Variants in WWOX observed in about 807,000 individuals in gnomAD.
WWOX encodes the protein WW domain-containing oxidoreductase.
Under a neutral mutation model 46.2 loss-of-function variants are expected in WWOX, and 69 were observed. The observed-to-expected ratio is 1.49, with a 90% CI of 1.23 to 1.82. The LOEUF (loss-of-function observed/expected upper bound fraction) is 1.82. WWOX is among the 40% of genes most tolerant of loss of function. The probability of loss-of-function intolerance (pLI) is 0.00; values close to 1 mark genes in which losing one functional copy is unlikely to be tolerated. For missense variants in WWOX, 919 were observed against 542.6 expected, an observed-to-expected ratio of 1.69 and a Z score of -6.89; for synonymous variants, 359 against 202.6, an observed-to-expected ratio of 1.77 and a Z score of -6.56.
At chr16:78,864,182 A>G (rs761704128) in intron 8 of WWOX, among the ~76,000 whole-genome samples, 20 of 152,220 alleles carry the variant, frequency 1.3e-4, no homozygotes, top group Middle Eastern at 3.4e-3. Context: ...CAGTAAATCT[A>G]TGGTTAATTC....
chr16:79,076,054 T>G lies in WWOX; in HGVS notation c.1057-135554T>G, dbSNP rs1304848554. ...ATGTAGAACCATTTTCTTGAAAATG[T>G]TTCTTAGAAATTTGTTACTTAGAAG... is the stretch of plus-strand genomic sequence containing the variant. On this transcript the variant is annotated intron_variant, in intron 8 of 8. Coordinates refer to ENST00000566780, the MANE Select transcript of WWOX (RefSeq NM_016373.4). Among the ~76,000 whole-genome samples the G allele has an allele frequency of 2.0e-5, 3 of 152,216 alleles. No homozygotes were observed. In the East Asian group the frequency reaches 5.8e-4, roughly 29 times the overall value.
In WWOX at chr16:78,555,112, A is replaced by G. The variant is rs181972370; in HGVS notation, c.1056+122360A>G. ...GACGGATTTTTTCCTCTTTGTCTCT[A>G]TCTCTCTTTCTCTCTGTCTTTTTCT... is the stretch of plus-strand genomic sequence containing the variant. On this transcript the variant is annotated intron_variant, in intron 8 of 8. Coordinates refer to ENST00000566780, the MANE Select transcript of WWOX (RefSeq NM_016373.4). Among the ~76,000 whole-genome samples the G allele has an allele frequency of 2.4e-3, 343 of 143,756 alleles. 2 individuals carry two copies. Among genetic ancestry groups the G allele is most frequent in the Middle Eastern group, 8.1e-3 (2 of 248 alleles). 94.3% of individuals were successfully genotyped at this position (143,756 alleles called of 152,430 possible).
At chr16:78,688,435 A>G (rs1046587120) in intron 8 of WWOX, among the ~76,000 whole-genome samples, 1 of 151,492 alleles carries the variant, frequency 6.6e-6, no homozygotes, top group Non-Finnish European at 1.5e-5. Flanking sequence ...AGTCTCATTC[A>G]CTTCTTTCTA....
chr16:78,647,913 A>G (rs916404587), intron 8 of WWOX, among the ~76,000 whole-genome samples: 1 of 152,208 alleles, frequency 6.6e-6, no homozygotes, highest in African/African-American at 2.4e-5. Context: ...CTATTTTTCT[A>G]AAAGGCAACA....
At chr16:78,661,361 A>G (rs970137542) in intron 8 of WWOX, among the ~76,000 whole-genome samples, 1 of 152,128 alleles carries the variant, frequency 6.6e-6, no homozygotes, top group African/African-American at 2.4e-5. Context: ...TTCTGAAGCG[A>G]CCACTTCATA....
chr16:78,667,891 C>G (rs1176003823), intron 8 of WWOX, among the ~76,000 whole-genome samples: 3 of 152,030 alleles, frequency 2.0e-5, no homozygotes, highest in African/African-American at 7.2e-5. Flanking sequence ...TGTGTGTGTT[C>G]CTTATCTGTT....
At chr16:78,294,193 T>C (rs1297790221) in intron 5 of WWOX, among the ~76,000 whole-genome samples, 4 of 152,056 alleles carry the variant, frequency 2.6e-5, no homozygotes, top group Non-Finnish European at 5.9e-5. Context: ...TCTCCCTGCC[T>C]CAAGAGCTGA....
chr16:78,411,485 C>T (rs1344593980), intron 6 of WWOX, among the ~76,000 whole-genome samples: 2 of 152,058 alleles, frequency 1.3e-5, no homozygotes, highest in South Asian at 2.1e-4. Flanking sequence ...AAGTGAGGGG[C>T]GTACTCATCC....
chr16:78,739,515 G>A (rs1171630288), intron 8 of WWOX, among the ~76,000 whole-genome samples: 1 of 152,110 alleles, frequency 6.6e-6, no homozygotes, highest in Non-Finnish European at 1.5e-5. Flanking sequence ...TGGGCTGAGT[G>A]TAAAGAAATT....
At chr16:78,867,684 G>T (rs930984875) in intron 8 of WWOX, among the ~76,000 whole-genome samples, 7 of 152,056 alleles carry the variant, frequency 4.6e-5, no homozygotes, top group African/African-American at 1.4e-4. Flanking sequence ...GGGATTTCAG[G>T]TGCCTGCCAC....
intron 5 of WWOX, among the ~76,000 whole-genome samples, chr16:78,182,916 A>T (rs1567616800): frequency 6.7e-6 from 1 of 148,942 alleles, no homozygotes; most frequent in African/African-American, 2.5e-5. Context: ...GCGCCACTGC[A>T]CTTCAGCCTG....
intron 8 of WWOX, among the ~76,000 whole-genome samples, chr16:78,922,128 G>A (rs1329233015): frequency 6.6e-6 from 1 of 152,138 alleles, no homozygotes; most frequent in African/African-American, 2.4e-5. Flanking sequence ...GGTCTTCGTT[G>A]CGTAGGTGTG....
intron 8 of WWOX, among the ~76,000 whole-genome samples, chr16:78,807,550 A>T (rs1203620637): frequency 1.3e-5 from 2 of 152,240 alleles, no homozygotes; most frequent in Non-Finnish European, 1.5e-5. Flanking sequence ...GACAGTGGCT[A>T]AAACCTGATT....
chr16:78,546,101 T>G (rs1198559790), intron 8 of WWOX, among the ~76,000 whole-genome samples: 1 of 152,288 alleles, frequency 6.6e-6, no homozygotes, highest in East Asian at 1.9e-4. Flanking sequence ...CCTCTGTCAG[T>G]TTTTTATGGA....
intron 8 of WWOX, among the ~76,000 whole-genome samples, chr16:79,124,262 G>A (rs907982145): frequency 2.6e-5 from 4 of 152,028 alleles, no homozygotes; most frequent in South Asian, 2.1e-4. Context: ...GGTGCAGAGC[G>A]CTCGGCAAAT....
chr16:78,285,744 T>A (rs1466450130), intron 5 of WWOX, among the ~76,000 whole-genome samples: 1 of 152,176 alleles, frequency 6.6e-6, no homozygotes, highest in African/African-American at 2.4e-5. Context: ...TGCGCCTAAA[T>A]AGCTGAGGAC....
chr16:79,099,783 G>C (rs1043457704), intron 8 of WWOX, among the ~76,000 whole-genome samples: 12 of 152,162 alleles, frequency 7.9e-5, no homozygotes, highest in African/African-American at 2.9e-4. Context: ...TACAGTATGA[G>C]AGACAAGGGA....
intron 8 of WWOX, among the ~76,000 whole-genome samples, chr16:78,540,336 G>C (rs551201190): frequency 6.1e-4 from 92 of 152,008 alleles, no homozygotes; most frequent in African/African-American, 2.0e-3. Context: ...TCTTGATTCT[G>C]AGCTTTGGTT....
intron 8 of WWOX, among the ~76,000 whole-genome samples, chr16:79,127,151 A>T (rs1406327146): frequency 6.6e-6 from 1 of 152,150 alleles, no homozygotes; most frequent in Non-Finnish European, 1.5e-5. Context: ...ATATGTATAT[A>T]TATTTATATA....
Sources: gnomAD v4.1 joint callset for allele counts (sites outside exome capture counted in the v4.1 genomes callset) on GRCh38, gnomAD v4.1.1 for gene constraint, MANE v1.5 for transcripts, NCBI Gene and HGNC (gene_info 2026-07-23, HGNC 2026-07-21) for gene names.